LUZP1: variants seen among roughly 807,000 people sequenced by gnomAD.
LUZP1 encodes the protein leucine zipper protein 1, also known as filamin mechanobinding actin cross-linking protein.
Under a neutral mutation model 71.3 loss-of-function variants are expected in LUZP1, and 25 were observed. The ratio of observed to expected loss-of-function variants is 0.35; its 90% CI spans 0.26 to 0.49. The LOEUF (loss-of-function observed/expected upper bound fraction) is 0.49, where lower values mean the gene tolerates loss of function less well. Among genes scored for constraint, LUZP1 ranks in the 20% least tolerant of loss-of-function variants. LUZP1 has a pLI of 0.99. For synonymous variants in LUZP1, 481 were observed against 506.4 expected, an observed-to-expected ratio of 0.95 and a Z score of 0.67; for missense variants, 1,142 against 1,300.8, an observed-to-expected ratio of 0.88 and a Z score of 1.88.
chr1:23,103,889 A>AGGGGG (rs1557641326), intron 3 of LUZP1, among the ~76,000 whole-genome samples: 1 of 5,596 alleles, frequency 1.8e-4, no homozygotes, highest in African/African-American at 7.5e-4. Context: ...GGAGAGAGGG[A>AGGGGG]GAGAGGGAGG....
At chr1:23,137,049 C>T (rs1644260419) in intron 2 of LUZP1, among the ~76,000 whole-genome samples, 1 of 152,216 alleles carries the variant, frequency 6.6e-6, no homozygotes, top group Admixed American at 6.5e-5. Context: ...TCAACATATG[C>T]TCTGTCAGAA....
In LUZP1 at chr1:23,093,477, T is replaced by C. The variant is rs1332622135; in HGVS notation, c.785A>G (p.Asp262Gly). ...TTCATTCTCTACCTGCTTTAGGTAGTCCAGACCACCCTTCCTTCTTGATTC... is the reference window on the plus strand; with the variant it reads ...TTCATTCTCTACCTGCTTTAGGTAGCCCAGACCACCCTTCCTTCTTGATTC... The change falls in exon 4 of 5, where the codon GAC (aspartate) becomes GGC (glycine). Residue 262 changes from aspartate (D) to glycine (G), a missense_variant. Coordinates refer to ENST00000302291, the Ensembl canonical transcript of LUZP1. This position sits in a 1 kb window ranked among gnomAD's most constrained non-coding sequence, Gnocchi z 4.2. The C allele has an allele frequency of 6.2e-7, 1 of 1,612,910 alleles. No individual in the cohort carries two copies. Among genetic ancestry groups the C allele is most frequent in the Non-Finnish European group, 8.5e-7 (1 of 1,179,764 alleles).
At chr1:23,168,266 G>C (rs1219542446) in intron 2 of LUZP1, among the ~76,000 whole-genome samples, 3 of 145,586 alleles carry the variant, frequency 2.1e-5, no homozygotes, top group Non-Finnish European at 4.5e-5. Flanking sequence ...GGCCCTTCCT[G>C]TCTGATCACT....
intron 2 of LUZP1, among the ~76,000 whole-genome samples, chr1:23,164,983 G>T (rs895870987): frequency 6.6e-6 from 1 of 152,186 alleles, no homozygotes; most frequent in African/African-American, 2.4e-5. Context: ...TCCCCAAAAT[G>T]TATCCTCTGT....
At chr1:23,091,430 C>G in exon 4 of LUZP1, 1 of 1,614,102 alleles carries the variant, frequency 6.2e-7, no homozygotes, top group Non-Finnish European at 8.5e-7. Flanking sequence ...TGGTAGATTC[C>G]ACGTTTTTAC....
chr1:23,084,872 A>G (rs1309810815), exon 5 of LUZP1: 1 of 152,566 alleles, frequency 6.6e-6, no homozygotes, highest in Non-Finnish European at 1.5e-5. Context: ...CAATGAAATA[A>G]ATAAATATAC....
chr1:23,085,933 C>T (rs1643758323), exon 5 of LUZP1: 2 of 152,206 alleles, frequency 1.3e-5, no homozygotes, highest in African/African-American at 4.8e-5. Flanking sequence ...GCTCTATTGC[C>T]AGGTCCCCCA....
intron 2 of LUZP1, among the ~76,000 whole-genome samples, chr1:23,165,117 C>T (rs1382895074): frequency 6.6e-6 from 1 of 152,130 alleles, no homozygotes; most frequent in Non-Finnish European, 1.5e-5. Context: ...CCTATTTCCT[C>T]CCAAGTTGGC....
At chr1:23,171,953 GA>G (rs1398775501) in intron 1 of LUZP1, among the ~76,000 whole-genome samples, 2 of 152,234 alleles carry the variant, frequency 1.3e-5, no homozygotes, top group South Asian at 4.1e-4. Flanking sequence ...GCACAGGAAA[GA>G]TCGGGATTCA....
intron 2 of LUZP1, among the ~76,000 whole-genome samples, chr1:23,120,275 C>T (rs1418119347): frequency 1.3e-5 from 2 of 151,990 alleles, no homozygotes; most frequent in East Asian, 3.9e-4. Context: ...CCAGAATCAT[C>T]TGAAATTCAG....
chr1:23,089,583 C>T (rs1643821876), intron 4 of LUZP1, among the ~76,000 whole-genome samples: 1 of 140,062 alleles, frequency 7.1e-6, no homozygotes, highest in Non-Finnish European at 1.6e-5. Flanking sequence ...GTCTTTCTCC[C>T]TACGCCTAGA....
chr1:23,132,478 T>A (rs1045824790), intron 2 of LUZP1, among the ~76,000 whole-genome samples: 9 of 150,574 alleles, frequency 6.0e-5, no homozygotes, highest in Admixed American at 3.3e-4. Flanking sequence ...GCGTCTCTTA[T>A]CTACTATTGT....
At position 23,171,103 on chromosome 1, in the gene LUZP1, T is replaced by A. The variant is rs1014118795; in HGVS notation, c.-484-2079A>T. 8.6e-3 allele frequency among the ~76,000 whole-genome samples: 1,247 copies of A among 145,176 alleles called. 16 individuals are homozygous for A. Among genetic ancestry groups the A allele is most frequent in the African/African-American group, 0.03 (1,160 of 39,198 alleles). Reference sequence around the variant, plus strand: ...GACCCTGTCTCAAAAAAAAAAAATATATATATATATATATAATTACTGTAT... The same window carrying A: ...GACCCTGTCTCAAAAAAAAAAAATAAATATATATATATATAATTACTGTAT... On this transcript the variant is annotated intron_variant, in intron 1 of 4. Transcript: ENST00000302291.
intron 2 of LUZP1, among the ~76,000 whole-genome samples, chr1:23,120,736 C>T (rs1311056797): frequency 6.6e-6 from 1 of 152,116 alleles, no homozygotes; most frequent in Non-Finnish European, 1.5e-5. Context: ...ATAATGACCC[C>T]ATAAGGATAT....
In LUZP1 at chr1:23,093,667, A is replaced by T; in HGVS notation, c.595T>A (p.Tyr199Asn). 6.2e-7 allele frequency: 1 copy of T among 1,611,562 alleles called. No homozygotes were observed. Among genetic ancestry groups the T allele is most frequent in the Non-Finnish European group, 8.5e-7 (1 of 1,179,556 alleles). Residue 199 changes from tyrosine to asparagine, a missense_variant, in exon 4 of 5, where the codon TAC becomes AAC. Transcript: ENST00000302291. This position sits in a 1 kb window ranked among gnomAD's most constrained non-coding sequence, Gnocchi z 4.2. The stretch of plus-strand genomic sequence containing the variant: ...TTTTCTTTCTCCTTTTCATTCAAGT[A>T]TTTTCTCTCACTTACAAAGCTCAGA...
intron 2 of LUZP1, among the ~76,000 whole-genome samples, chr1:23,137,745 A>G (rs930860933): frequency 1.3e-5 from 2 of 152,212 alleles, no homozygotes; most frequent in African/African-American, 4.8e-5. Context: ...TGGAACCCTC[A>G]TAGATTGCTA....
At chr1:23,118,532 G>A (rs762604195) in intron 2 of LUZP1, among the ~76,000 whole-genome samples, 1 of 152,178 alleles carries the variant, frequency 6.6e-6, no homozygotes, top group Non-Finnish European at 1.5e-5. Flanking sequence ...ACACAGAAAT[G>A]ACAATGTGTC....
In LUZP1 at chr1:23,094,648, C is replaced by G. The variant is rs1284035371; in HGVS notation, c.-119-268G>C. ...ATATAAGAAGCCTCAATTTTCATGG[C>G]AGGGTATAATAACATCATTACCATC... On this transcript the variant is annotated intron_variant, in intron 3 of 4. Coordinates refer to ENST00000302291, the Ensembl canonical transcript of LUZP1. The surrounding 1 kb of genome is among the most constrained non-coding windows in gnomAD (Gnocchi z 4.7). Among the ~76,000 whole-genome samples, 2 of 152,170 alleles carry G rather than the reference C, an allele frequency of 1.3e-5. No individual in the cohort carries two copies.
chr1:23,167,488 G>T (rs1300521097), intron 2 of LUZP1, among the ~76,000 whole-genome samples: 1 of 95,518 alleles, frequency 1.0e-5, no homozygotes, highest in Admixed American at 1.0e-4. Context: ...TGCGACGGTG[G>T]AGCTGCAGGC....
Sources: gnomAD v4.1 joint callset for allele counts (sites outside exome capture counted in the v4.1 genomes callset) on GRCh38, gnomAD v4.1.1 for gene constraint, Gnocchi (gnomAD v3.1) non-coding constraint, MANE v1.5 for transcripts, NCBI Gene and HGNC (gene_info 2026-07-23, HGNC 2026-07-21) for gene names.